Variants in EPHA5 observed in about 807,000 individuals in gnomAD.
The protein encoded by EPHA5 is EPH receptor A5.
In EPHA5, 60 loss-of-function variants were observed where a neutral mutation model predicts 105.0. The ratio of observed to expected loss-of-function variants is 0.57; its 90% CI spans 0.46 to 0.71. EPHA5 has a LOEUF of 0.71. EPHA5 is among the 30% of genes least tolerant of loss of function. EPHA5 has a pLI of 0.00. For synonymous variants in EPHA5, 513 were observed against 449.1 expected (o/e 1.14, Z -1.80); for missense variants, 1,218 against 1,274.7 (o/e 0.96, Z 0.68).
At chr4:65,330,673 C>T in intron 16 of EPHA5, 2 of 758,300 alleles carry the variant, frequency 2.6e-6, no homozygotes, top group Non-Finnish European at 3.3e-6. Context: ...TTAAAATGAC[C>T]ATTTTTACTG....
chr4:65,320,209 CA>C lies in EPHA5; in HGVS notation c.*3904del, dbSNP rs1239425836. ...TTTTGATACATTACTATATAATTAACAGCACAATAGAGAAAATTATTCAATG... is the reference window on the plus strand; with the variant it reads ...TTTTGATACATTACTATATAATTAACGCACAATAGAGAAAATTATTCAATG... On this transcript the variant is annotated 3_prime_UTR_variant, in exon 17 of 17. Transcript: ENST00000613740. 1 of 229,646 alleles carries C rather than the reference CA, an allele frequency of 4.4e-6. No homozygotes were observed. The highest frequency in any genetic ancestry group is 2.2e-5 in the African/African-American group (1 of 45,082). The allele number at this position is 229,646 out of a possible 1,614,324, so 14.2% of individuals were successfully genotyped here.
intron 5 of EPHA5, among the ~76,000 whole-genome samples, chr4:65,450,952 A>G (rs1421202550): frequency 3.3e-5 from 5 of 152,176 alleles, no homozygotes; most frequent in African/African-American, 9.6e-5. Flanking sequence ...TACAGTCTCA[A>G]AAGGGTATTC....
chr4:65,398,382 A>G (rs555939528), intron 8 of EPHA5, among the ~76,000 whole-genome samples: 4 of 152,108 alleles, frequency 2.6e-5, no homozygotes, highest in Admixed American at 2.0e-4. Flanking sequence ...GTGGCTCAGC[A>G]TGGGCCTGCA....
intron 3 of EPHA5, among the ~76,000 whole-genome samples, chr4:65,577,957 A>G (rs1741226935): frequency 6.6e-6 from 1 of 152,314 alleles, no homozygotes; most frequent in African/African-American, 2.4e-5. Flanking sequence ...GCCTCACCAG[A>G]AATTCCTAGA....
At position 65,605,793 on chromosome 4, in the gene EPHA5, TATA is replaced by T. The variant is rs1343126299; in HGVS notation, c.247-3492_247-3490del. ...AAGCTCTAGTTTTAGTCCCAGCTCTTATAATATCTAGATATATAAGCTGAGATC... is the reference window on the plus strand; with the variant it reads ...AAGCTCTAGTTTTAGTCCCAGCTCTTATATCTAGATATATAAGCTGAGATC... On this transcript the variant is annotated intron_variant, in intron 2 of 16. Transcript: ENST00000613740. 5.3e-5 allele frequency among the ~76,000 whole-genome samples: 8 copies of T among 152,112 alleles called. No homozygotes were observed. In the East Asian group the frequency reaches 1.5e-3, roughly 29 times the overall value.
chr4:65,569,520 C>A (rs974819907), intron 3 of EPHA5, among the ~76,000 whole-genome samples: 1 of 151,420 alleles, frequency 6.6e-6, no homozygotes, highest in Non-Finnish European at 1.5e-5. Flanking sequence ...TTAAACAATA[C>A]AAATATTTCT....
At chr4:65,478,434 C>T (rs4579178) in intron 5 of EPHA5, among the ~76,000 whole-genome samples, 19,746 of 152,060 alleles carry the variant, frequency 0.13, 1,807 homozygotes, top group East Asian at 0.41. Context: ...TTTCTATATA[C>T]AATATATTTC....
At chr4:65,579,989 T>C (rs938764168) in intron 3 of EPHA5, among the ~76,000 whole-genome samples, 1 of 151,920 alleles carries the variant, frequency 6.6e-6, no homozygotes, top group South Asian at 2.1e-4. Context: ...TTTGAGAAAA[T>C]GTCCTAAAGA....
intron 3 of EPHA5, among the ~76,000 whole-genome samples, chr4:65,529,163 T>C (rs577774534): frequency 3.3e-5 from 5 of 151,624 alleles, no homozygotes; most frequent in South Asian, 2.1e-4. Flanking sequence ...ATATCAGATA[T>C]ACAATTGGTG....
chr4:65,553,367 C>A (rs1288464893), intron 3 of EPHA5, among the ~76,000 whole-genome samples: 1 of 152,012 alleles, frequency 6.6e-6, no homozygotes, highest in Non-Finnish European at 1.5e-5. Flanking sequence ...CCTTGAAGGA[C>A]AACCTGGCTT....
intron 5 of EPHA5, among the ~76,000 whole-genome samples, chr4:65,455,944 A>G (rs1052245109): frequency 1.3e-5 from 2 of 152,198 alleles, no homozygotes; most frequent in South Asian, 4.1e-4. Flanking sequence ...CACATTTTAT[A>G]GTTGTACATC....
intron 1 of EPHA5, among the ~76,000 whole-genome samples, chr4:65,667,124 A>G (rs1331568651): frequency 6.6e-6 from 1 of 152,164 alleles, no homozygotes; most frequent in Admixed American, 6.5e-5. Context: ...GTCCCTCCAG[A>G]AGCAAACAAA....
At chr4:65,492,703 T>C (rs564634498) in intron 4 of EPHA5, among the ~76,000 whole-genome samples, 53 of 152,294 alleles carry the variant, frequency 3.5e-4, no homozygotes, top group African/African-American at 1.2e-3. Context: ...GGCATTTGGA[T>C]TGTATTTGCT....
chr4:65,660,295 C>T (rs749912527), intron 1 of EPHA5, among the ~76,000 whole-genome samples: 1 of 151,956 alleles, frequency 6.6e-6, no homozygotes, highest in Admixed American at 6.6e-5. Context: ...TTCCAATATT[C>T]GATATTAAAT....
chr4:65,409,733 T>C (rs1290803790), intron 7 of EPHA5, among the ~76,000 whole-genome samples: 2 of 152,186 alleles, frequency 1.3e-5, no homozygotes, highest in Non-Finnish European at 2.9e-5. Context: ...GCATAATTTT[T>C]AATAAGTAAT....
At chr4:65,662,615 A>G (rs966221609) in intron 1 of EPHA5, among the ~76,000 whole-genome samples, 4 of 152,284 alleles carry the variant, frequency 2.6e-5, no homozygotes, top group Admixed American at 6.5e-5. Flanking sequence ...AAAATGAACT[A>G]GGGATTTATT....
chr4:65,616,378 T>C, intron 2 of EPHA5, among the ~76,000 whole-genome samples: 1 of 150,724 alleles, frequency 6.6e-6, no homozygotes, highest in East Asian at 1.9e-4. Flanking sequence ...ATCATACAGG[T>C]GGTGACTACA....
At chr4:65,649,114 A>C (rs1748373002) in intron 1 of EPHA5, among the ~76,000 whole-genome samples, 1 of 152,254 alleles carries the variant, frequency 6.6e-6, no homozygotes. Context: ...ATCCATATGC[A>C]TAGTCTTTTT....
chr4:65,574,904 G>A (rs4613617), intron 3 of EPHA5, among the ~76,000 whole-genome samples: 39,035 of 150,896 alleles, frequency 0.26, 6,039 homozygotes, highest in Middle Eastern at 0.4. Flanking sequence ...TCAGTTCAAG[G>A]ATTAGAGCTA....
Sources: allele counts gnomAD v4.1 joint callset (sites outside exome capture counted in the v4.1 genomes callset), GRCh38; gene constraint gnomAD v4.1.1; transcripts MANE v1.5; gene names NCBI Gene and HGNC (gene_info 2026-07-23, HGNC 2026-07-21).